The following STK32B variants were observed in gnomAD, a reference collection of about 807,000 sequenced individuals.
STK32B encodes serine/threonine-protein kinase 32B.
In STK32B, 43 loss-of-function variants were observed where a neutral mutation model predicts 52.6. That is an observed-to-expected ratio of 0.82 (90% CI 0.64 to 1.05). The LOEUF is 1.05. Ranked by LOEUF, STK32B falls within the 50% of genes least tolerant of loss-of-function variation. The probability of loss-of-function intolerance (pLI) is 0.00; values close to 1 mark genes in which losing one functional copy is unlikely to be tolerated. For synonymous variants in STK32B, 238 were observed against 204.3 expected, an observed-to-expected ratio of 1.17 and a Z score of -1.41; for missense variants, 621 against 534.6, an observed-to-expected ratio of 1.16 and a Z score of -1.59.
At chr4:5,247,753 T>C (rs58609729) in intron 3 of STK32B, among the ~76,000 whole-genome samples, 9,220 of 152,278 alleles carry the variant, frequency 0.061, 414 homozygotes, top group African/African-American at 0.13. Context: ...AGCCTTTTTT[T>C]CTTCCACCCA....
intron 3 of STK32B, among the ~76,000 whole-genome samples, chr4:5,298,591 A>G (rs10213316): frequency 0.14 from 20,771 of 151,982 alleles, 2,841 homozygotes; most frequent in African/African-American, 0.36. Context: ...ACTGTGAGGG[A>G]AAAACTGCCT....
Position 5,051,713 on chromosome 4 carries a change from C to A in STK32B, c.-151C>A. The A allele has an allele frequency of 1.0e-6, 1 of 970,838 alleles. No homozygotes were observed. The highest frequency in any genetic ancestry group is 1.5e-6 in the Non-Finnish European group (1 of 665,144). 60.1% of individuals were successfully genotyped at this position (970,838 alleles called of 1,614,324 possible). On this transcript the variant is annotated 5_prime_UTR_variant, in exon 1 of 12. Transcript: ENST00000282908. ...AGGAGAAGGGGGACGCCGTCCCCGCCCCTGCACGGTGCTCGGCCCCCTCGG... is the reference window on the plus strand; with the variant it reads ...AGGAGAAGGGGGACGCCGTCCCCGCACCTGCACGGTGCTCGGCCCCCTCGG...
intron 3 of STK32B, among the ~76,000 whole-genome samples, chr4:5,261,546 TTC>T (rs1160941790): frequency 6.6e-6 from 1 of 152,152 alleles, no homozygotes; most frequent in Non-Finnish European, 1.5e-5. Flanking sequence ...TGCCCAGTAG[TTC>T]TGCAGAGTTT....
At chr4:5,119,781 T>G (rs1181792146) in intron 1 of STK32B, among the ~76,000 whole-genome samples, 1 of 152,258 alleles carries the variant, frequency 6.6e-6, no homozygotes, top group East Asian at 1.9e-4. Context: ...TTCACATGCT[T>G]TCGTATTCTG....
At chr4:5,316,178 A>T (rs1249107829) in intron 3 of STK32B, among the ~76,000 whole-genome samples, 4 of 104,226 alleles carry the variant, frequency 3.8e-5, no homozygotes, top group Admixed American at 1.4e-4. Flanking sequence ...TATATATATA[A>T]CTAAATATAT....
chr4:5,462,971 C>T (rs16837314), intron 9 of STK32B, among the ~76,000 whole-genome samples: 24,241 of 152,054 alleles, frequency 0.16, 2,167 homozygotes, highest in East Asian at 0.35. Context: ...TCTGCTGAGC[C>T]GGGAGTAAAG....
intron 3 of STK32B, among the ~76,000 whole-genome samples, chr4:5,212,052 T>G (rs1722936209): frequency 6.6e-6 from 1 of 152,236 alleles, no homozygotes; most frequent in Non-Finnish European, 1.5e-5. Context: ...TAGCTCCTAC[T>G]GTGTGCCAGG....
At chr4:5,284,840 T>G (rs939121267) in intron 3 of STK32B, among the ~76,000 whole-genome samples, 1 of 152,200 alleles carries the variant, frequency 6.6e-6, no homozygotes, top group African/African-American at 2.4e-5. Context: ...TTCATCATGT[T>G]TAGTGCAATA....
chr4:5,118,378 G>T lies in STK32B; in HGVS notation c.53-21527G>T, dbSNP rs541591800. Among the ~76,000 whole-genome samples, 14 of 152,260 alleles carry T rather than the reference G, an allele frequency of 9.2e-5. No homozygotes were observed. In the South Asian group the frequency reaches 2.7e-3, roughly 29 times the overall value. Reference sequence around the variant, plus strand: ...TCATAGTAGTCTCTTATGATCCTTTGTATTTCTGTGGCATCAGTTGTAATG... The same window carrying T: ...TCATAGTAGTCTCTTATGATCCTTTTTATTTCTGTGGCATCAGTTGTAATG... On this transcript the variant is annotated intron_variant, in intron 1 of 11. Transcript: ENST00000282908.
intron 3 of STK32B, among the ~76,000 whole-genome samples, chr4:5,241,682 C>T (rs1158017317): frequency 6.6e-6 from 1 of 151,952 alleles, no homozygotes; most frequent in African/African-American, 2.4e-5. Flanking sequence ...CCCATTAACT[C>T]ATCATTTAGC....
chr4:5,328,157 G>T (rs1342380526), intron 3 of STK32B, among the ~76,000 whole-genome samples: 1 of 152,242 alleles, frequency 6.6e-6, no homozygotes, highest in Non-Finnish European at 1.5e-5. Flanking sequence ...TTAAGGGAAT[G>T]TTGTAGCTGA....
chr4:5,216,194 G>A (rs1723171959), intron 3 of STK32B, among the ~76,000 whole-genome samples: 1 of 152,150 alleles, frequency 6.6e-6, no homozygotes, highest in East Asian at 1.9e-4. Flanking sequence ...ATCTGGGTTT[G>A]GAACTAGCGG....
chr4:5,036,387 C>G, the STK32B span, among the ~76,000 whole-genome samples: 2 of 152,132 alleles, frequency 1.3e-5, no homozygotes, highest in Non-Finnish European at 2.9e-5. Context: ...ACAGCAGGCC[C>G]CTTTTGGTTC....
intron 3 of STK32B, among the ~76,000 whole-genome samples, chr4:5,205,427 C>T (rs1382667529): frequency 6.6e-6 from 1 of 152,172 alleles, no homozygotes; most frequent in Non-Finnish European, 1.5e-5. Context: ...CACCTCCCCT[C>T]CCTCATTCTC....
intron 4 of STK32B, among the ~76,000 whole-genome samples, chr4:5,383,337 G>T (rs1043222558): frequency 6.6e-6 from 1 of 152,108 alleles, no homozygotes; most frequent in African/African-American, 2.4e-5. Context: ...CCTACCCCTG[G>T]GACTCAACAG....
At chr4:5,090,563 C>T (rs1256576817) in intron 1 of STK32B, among the ~76,000 whole-genome samples, 3 of 152,000 alleles carry the variant, frequency 2.0e-5, no homozygotes, top group Admixed American at 2.0e-4. Context: ...CGGGGTTTCA[C>T]TGTGTTAGCC....
rs578026077 is a variant in STK32B at position 5,300,838 on chromosome 4, G to A, written c.261-30382G>A. 6.6e-5 allele frequency among the ~76,000 whole-genome samples: 10 copies of A among 152,054 alleles called. No individual in the cohort carries two copies. The East Asian group carries it at 1.5e-3, about 24-fold the overall frequency. On this transcript the variant is annotated intron_variant, in intron 3 of 11. Transcript: ENST00000282908. The stretch of plus-strand genomic sequence containing the variant: ...TACATGCTCATGGATTGGAAGAATC[G>A]ATATTGTTAAAATGTCCATACTGCC...
chr4:5,286,455 C>G (rs990432867), intron 3 of STK32B, among the ~76,000 whole-genome samples: 2 of 152,200 alleles, frequency 1.3e-5, no homozygotes, highest in South Asian at 2.1e-4. Flanking sequence ...CTGTTGCCCC[C>G]TTCCAATTAC....
chr4:5,170,986 AATG>A (rs1380260936), intron 3 of STK32B, among the ~76,000 whole-genome samples: 1 of 152,176 alleles, frequency 6.6e-6, no homozygotes, highest in Non-Finnish European at 1.5e-5. Context: ...CTGACTTTTT[AATG>A]ATCTCCATTC....
Sources: allele counts gnomAD v4.1 joint callset (sites outside exome capture counted in the v4.1 genomes callset), GRCh38; gene constraint gnomAD v4.1.1; transcripts MANE v1.5; gene names NCBI Gene and HGNC (gene_info 2026-07-23, HGNC 2026-07-21).